The following RAI14 variants were observed in gnomAD, a reference collection of about 807,000 sequenced individuals.
RAI14 encodes ankycorbin.
In RAI14, 45 loss-of-function variants were observed where a neutral mutation model predicts 115.4. That is an observed-to-expected ratio of 0.39 (90% CI 0.31 to 0.50). The LOEUF is 0.50. RAI14 is among the 20% of genes least tolerant of loss of function. The pLI is 0.85. For synonymous variants in RAI14, 371 were observed against 415.4 expected (o/e 0.89, Z 1.30); for missense variants, 939 against 1,131.2 (o/e 0.83, Z 2.44).
intron 3 of RAI14, among the ~76,000 whole-genome samples, chr5:34,792,295 G>A (rs1280025470): frequency 1.4e-5 from 2 of 144,658 alleles, no homozygotes; most frequent in South Asian, 4.3e-4. Context: ...GTGCAGTGGT[G>A]CAATCTTGGC....
At chr5:34,812,025 A>G in intron 9 of RAI14, 80 bp downstream of exon 9, 1 of 1,335,530 alleles carries the variant, frequency 7.5e-7, no homozygotes, top group Non-Finnish European at 1.0e-6. Flanking sequence ...TGTGTGCAAT[A>G]TGATATATTT....
rs765927085 is a variant in RAI14 at position 34,823,062 on chromosome 5, C to G, written c.1220C>G (p.Pro407Arg). ...GGAAAACCTGGTGAAACCTCTCCCC[C>G]AGACTCCAAATCATCTCCATCTGTC... is the stretch of plus-strand genomic sequence containing the variant. ...SLGKPGETSPPDSKSSPSVLI... is the reference protein window; with the variant it reads ...SLGKPGETSPRDSKSSPSVLI... Residue 407 changes from proline (P) to arginine (R), a missense_variant, in exon 15 of 18, where the codon CCA (proline) becomes CGA (arginine). Pro to Arg is a moderately radical substitution (Grantham distance 103, BLOSUM62 -2). Coordinates refer to ENST00000265109, the MANE Select transcript of RAI14 (RefSeq NM_015577.3). This position sits in a 1 kb window ranked among gnomAD's most constrained non-coding sequence, Gnocchi z 4.5. 3 of 1,613,046 alleles carry G rather than the reference C, an allele frequency of 1.9e-6. No homozygotes were observed. In the East Asian group the frequency reaches 6.7e-5, roughly 36 times the overall value.
chr5:34,713,167 A>G (rs933507764), intron 2 of RAI14, among the ~76,000 whole-genome samples: 2 of 152,194 alleles, frequency 1.3e-5, no homozygotes, highest in African/African-American at 4.8e-5. Flanking sequence ...ACCTTCATTC[A>G]GTCCCTGTCT....
intron 3 of RAI14, among the ~76,000 whole-genome samples, chr5:34,775,120 G>T (rs1040467698): frequency 6.6e-6 from 1 of 152,074 alleles, no homozygotes; most frequent in Non-Finnish European, 1.5e-5. Context: ...AACCAAAATG[G>T]ATTAAAGATT....
chr5:34,813,775 A>T, intron 11 of RAI14, 115 bp downstream of exon 11: 1 of 635,058 alleles, frequency 1.6e-6, no homozygotes, highest in Admixed American at 3.8e-5. Context: ...GTGCATATTT[A>T]AAATTTTCCT....
chr5:34,725,984 A>G (rs1435310969), intron 2 of RAI14, among the ~76,000 whole-genome samples: 1 of 150,428 alleles, frequency 6.6e-6, no homozygotes, highest in African/African-American at 2.4e-5. Context: ...AAAAAGCCAC[A>G]AATACATTAC....
intron 2 of RAI14, among the ~76,000 whole-genome samples, chr5:34,748,710 C>T (rs1231285717): frequency 1.3e-5 from 2 of 151,992 alleles, no homozygotes; most frequent in Non-Finnish European, 2.9e-5. Context: ...TGCCTATAAT[C>T]CAGCCCTTTG....
At chr5:34,755,766 C>T (rs10039415) in intron 2 of RAI14, among the ~76,000 whole-genome samples, 59,117 of 152,030 alleles carry the variant, frequency 0.39, 12,857 homozygotes, top group African/African-American at 0.58. Context: ...ATTTCCATGA[C>T]GGCAGACAGT....
At chr5:34,745,679 G>T (rs1214154296) in intron 2 of RAI14, among the ~76,000 whole-genome samples, 1 of 152,172 alleles carries the variant, frequency 6.6e-6, no homozygotes, top group Non-Finnish European at 1.5e-5. Context: ...GATGCCTCCA[G>T]TGAAAAATCA....
chr5:34,714,333 T>A (rs1741759073), intron 2 of RAI14, among the ~76,000 whole-genome samples: 1 of 152,198 alleles, frequency 6.6e-6, no homozygotes, highest in African/African-American at 2.4e-5. Flanking sequence ...ACAGATGAGA[T>A]GTGCAAAATA....
intron 4 of RAI14, among the ~76,000 whole-genome samples, chr5:34,798,052 T>C (rs1753741156): frequency 6.6e-6 from 1 of 152,236 alleles, no homozygotes. Flanking sequence ...TTGTTTGTTT[T>C]TGAGACGGAG....
intron 2 of RAI14, among the ~76,000 whole-genome samples, chr5:34,730,277 A>G (rs1278230143): frequency 1.3e-5 from 2 of 152,222 alleles, no homozygotes; most frequent in African/African-American, 4.8e-5. Flanking sequence ...AGTACTAGCC[A>G]TGTCCTGTGT....
chr5:34,789,091 A>G (rs1752642861), intron 3 of RAI14, among the ~76,000 whole-genome samples: 1 of 152,176 alleles, frequency 6.6e-6, no homozygotes, highest in Non-Finnish European at 1.5e-5. Flanking sequence ...TCCAGGACAC[A>G]GGCCATGAGA....
chr5:34,750,781 T>A (rs1746870808), intron 2 of RAI14, among the ~76,000 whole-genome samples: 1 of 151,348 alleles, frequency 6.6e-6, no homozygotes, highest in Admixed American at 6.6e-5. Context: ...CCTGATAGGA[T>A]GCCACACCTT....
At chr5:34,738,512 T>A (rs959927874) in intron 2 of RAI14, among the ~76,000 whole-genome samples, 1 of 152,178 alleles carries the variant, frequency 6.6e-6, no homozygotes, top group African/African-American at 2.4e-5. Context: ...ACACCTGTAC[T>A]CTTGGCCTCC....
intron 2 of RAI14, among the ~76,000 whole-genome samples, chr5:34,711,077 G>C (rs1247388505): frequency 6.6e-6 from 1 of 152,124 alleles, no homozygotes; most frequent in African/African-American, 2.4e-5. Flanking sequence ...AATGCCCAAG[G>C]TGACTGGTAT....
chr5:34,823,803 A>C lies in RAI14; in HGVS notation c.1961A>C (p.Glu654Ala). 2 of 1,614,178 alleles carry C rather than the reference A, an allele frequency of 1.2e-6. No individual in the cohort carries two copies. Among genetic ancestry groups the C allele is most frequent in the Non-Finnish European group, 1.7e-6 (2 of 1,180,020 alleles). ...QVSELSQLYKEAQAELEDYRK... is the reference protein window; with the variant it reads ...QVSELSQLYKAAQAELEDYRK... ...AGCGAGCTGTCACAGCTGTACAAAG[A>C]AGCCCAGGCTGAGCTGGAGGATTAC... The change falls in exon 15 of 18, where the codon GAA becomes GCA. Residue 654 changes from glutamate (E) to alanine (A), a missense_variant. By Grantham distance (107) the Glu-to-Ala change is moderately radical. Coordinates refer to ENST00000265109, the MANE Select transcript of RAI14 (RefSeq NM_015577.3). This position sits in a 1 kb window ranked among gnomAD's most constrained non-coding sequence, Gnocchi z 4.5.
chr5:34,717,672 A>G (rs937443177), intron 2 of RAI14, among the ~76,000 whole-genome samples: 2 of 152,126 alleles, frequency 1.3e-5, no homozygotes, highest in Non-Finnish European at 2.9e-5. Flanking sequence ...TGCAAATCCC[A>G]GTCACCCCAC....
rs116341456 is a variant in RAI14, at chr5:34,704,519, G to C, written c.36+17564G>C. The stretch of plus-strand genomic sequence containing the variant: ...CTTAACTATCTTTAAACCCGCTGAC[G>C]TTCTGTTTCCTTATCAGCAAAATAT... On this transcript the variant is annotated intron_variant, in intron 2 of 17. Coordinates refer to ENST00000265109, the MANE Select transcript of RAI14 (RefSeq NM_015577.3). Among the ~76,000 whole-genome samples the C allele has an allele frequency of 9.5e-3, 1,443 of 152,230 alleles. 27 individuals carry two copies. The highest frequency in any genetic ancestry group is 0.033 in the African/African-American group (1,355 of 41,544).
Sources: allele counts gnomAD v4.1 joint callset (sites outside exome capture counted in the v4.1 genomes callset), GRCh38; gene constraint gnomAD v4.1.1; non-coding constraint Gnocchi (gnomAD v3.1); transcripts MANE v1.5; gene names NCBI Gene and HGNC (gene_info 2026-07-23, HGNC 2026-07-21).